CDC42BPA: variants seen among roughly 807,000 people sequenced by gnomAD.
The protein encoded by CDC42BPA is serine/threonine-protein kinase MRCK alpha.
CDC42BPA carries 80 observed loss-of-function variants against 223.5 expected under a neutral mutation model. The ratio of observed to expected loss-of-function variants is 0.36; its 90% CI spans 0.30 to 0.43. CDC42BPA has a LOEUF of 0.43. Among genes scored for constraint, CDC42BPA ranks in the 20% least tolerant of loss-of-function variants. CDC42BPA has a pLI of 1.00. For missense variants in CDC42BPA, 1,743 were observed against 2,099.9 expected (o/e 0.83, Z 3.32); for synonymous variants, 694 against 718.6 (o/e 0.97, Z 0.55).
intron 14 of CDC42BPA, among the ~76,000 whole-genome samples, chr1:227,109,468 C>T (rs1481228074): frequency 6.6e-6 from 1 of 152,044 alleles, no homozygotes; most frequent in Non-Finnish European, 1.5e-5. Context: ...CAGGTCCAGG[C>T]GATTCTCGTG....
At chr1:227,242,964 A>C (rs545463682) in intron 2 of CDC42BPA, among the ~76,000 whole-genome samples, 3 of 152,362 alleles carry the variant, frequency 2.0e-5, no homozygotes, top group African/African-American at 7.2e-5. Context: ...AATGTGGTAC[A>C]TATACACCAT....
intron 1 of CDC42BPA, among the ~76,000 whole-genome samples, chr1:227,266,370 A>T (rs1464075): frequency 0.16 from 24,005 of 152,110 alleles, 2,186 homozygotes; most frequent in East Asian, 0.37. Flanking sequence ...GCTGTCTTGC[A>T]ACCATGAAAG....
At chr1:227,293,139 T>C (rs1324906973) in intron 1 of CDC42BPA, among the ~76,000 whole-genome samples, 1 of 152,210 alleles carries the variant, frequency 6.6e-6, no homozygotes, top group East Asian at 1.9e-4. Flanking sequence ...TAAATATTTA[T>C]TGAGTGCCTA....
chr1:227,105,662 C>A (rs559936663), intron 14 of CDC42BPA, among the ~76,000 whole-genome samples: 1 of 152,122 alleles, frequency 6.6e-6, no homozygotes, highest in East Asian at 1.9e-4. Flanking sequence ...CCTGAATTTG[C>A]CTATTCTAAA....
chr1:227,117,654 T>G (rs567697903), intron 12 of CDC42BPA, among the ~76,000 whole-genome samples: 1 of 152,200 alleles, frequency 6.6e-6, no homozygotes, highest in African/African-American at 2.4e-5. Context: ...ATCTTCACAG[T>G]TTTCAAAAAA....
intron 1 of CDC42BPA, among the ~76,000 whole-genome samples, chr1:227,293,119 A>G (rs761848408): frequency 1.3e-5 from 2 of 152,164 alleles, no homozygotes; most frequent in Non-Finnish European, 2.9e-5. Context: ...CAATTCTTTC[A>G]TTAATCAAAT....
rs563681067 is a variant in CDC42BPA at position 227,108,281 on chromosome 1, G to A, written c.2001+4031C>T. ...CTTGAGCACTGCCTTTATGGCATCT[G>A]TAAGTTCTGGTGTATTGTATTTTCA... On this transcript the variant is annotated intron_variant, in intron 14 of 36. Transcript: ENST00000366766. 1.1e-3 allele frequency among the ~76,000 whole-genome samples: 171 copies of A among 152,230 alleles called. 1 individual carries two copies. The South Asian group carries it at 0.013, about 12-fold the overall frequency.
Position 226,994,272 on chromosome 1 carries a change from G to A in CDC42BPA, c.5261C>T (p.Pro1754Leu), listed in dbSNP as rs1286539810. Residue 1754 changes from proline to leucine, a missense_variant, in exon 37 of 37, where the codon CCG (proline) becomes CTG (leucine). By Grantham distance (98) the Pro-to-Leu change is moderately conservative. Transcript: ENST00000366766. The surrounding 1 kb of genome is among the most constrained non-coding windows in gnomAD (Gnocchi z 4.0). Reference protein sequence around the residue: ...LESTDRGSWDP With the variant: ...LESTDRGSWDL Reference sequence around the variant, plus strand: ...AGGTCCCAGTGCTGAGGCAGCTCACGGGTCCCAGCTCCCGCGGTCAGTGCT... The same window carrying A: ...AGGTCCCAGTGCTGAGGCAGCTCACAGGTCCCAGCTCCCGCGGTCAGTGCT... 11 of 1,578,308 alleles carry A rather than the reference G, an allele frequency of 7.0e-6. No individual in the cohort carries two copies. The highest frequency in any genetic ancestry group is 1.8e-5 in the Admixed American group (1 of 55,878).
At chr1:227,163,111 T>C (rs943216797) in intron 5 of CDC42BPA, among the ~76,000 whole-genome samples, 1 of 29,352 alleles carries the variant, frequency 3.4e-5, no homozygotes, top group Admixed American at 3.0e-4. Context: ...CAAACATATA[T>C]GTGTGTATGT....
intron 29 of CDC42BPA, among the ~76,000 whole-genome samples, chr1:227,030,197 A>C (rs991179376): frequency 6.6e-6 from 1 of 152,196 alleles, no homozygotes; most frequent in East Asian, 1.9e-4. Context: ...TGATACAAGA[A>C]AGACAATACA....
intron 1 of CDC42BPA, among the ~76,000 whole-genome samples, chr1:227,269,003 TA>T (rs34151355): frequency 6.6e-6 from 1 of 151,854 alleles, no homozygotes; most frequent in Non-Finnish European, 1.5e-5. Context: ...TATTTTTATT[TA>T]AAAAAAAGTC....
intron 1 of CDC42BPA, among the ~76,000 whole-genome samples, chr1:227,270,096 T>C (rs1027314427): frequency 6.6e-6 from 1 of 152,092 alleles, no homozygotes; most frequent in Non-Finnish European, 1.5e-5. Context: ...CATATATCCA[T>C]ACAATGAAAC....
chr1:226,998,024 A>G (rs950482573), intron 35 of CDC42BPA, among the ~76,000 whole-genome samples: 17 of 152,342 alleles, frequency 1.1e-4, no homozygotes, highest in Non-Finnish European at 1.8e-4. Flanking sequence ...GAGCCAAATC[A>G]TGAGTGAACT....
rs1662003684 is a variant in CDC42BPA at position 226,998,072 on chromosome 1, G to A, written c.4976-3092C>T. The stretch of plus-strand genomic sequence containing the variant: ...GCTACAAACAGAATAAAATACCTAG[G>A]AATCCAACTTACAAGGGATGTGAAG... On this transcript the variant is annotated intron_variant, in intron 35 of 36. Transcript: ENST00000366766. Among the ~76,000 whole-genome samples, 3 of 152,146 alleles carry A rather than the reference G, an allele frequency of 2.0e-5. No individual in the cohort carries two copies. The South Asian group carries it at 6.2e-4, about 31-fold the overall frequency.
At chr1:227,010,232 T>C (rs953399787) in intron 34 of CDC42BPA, among the ~76,000 whole-genome samples, 13 of 152,220 alleles carry the variant, frequency 8.5e-5, no homozygotes, top group Admixed American at 4.6e-4. Context: ...GAATACAGCA[T>C]GCTTTTTAAA....
intron 3 of CDC42BPA, among the ~76,000 whole-genome samples, chr1:227,212,142 G>A (rs1367980992): frequency 6.6e-6 from 1 of 150,712 alleles, no homozygotes; most frequent in Admixed American, 6.6e-5. Context: ...TGGCCAAAAT[G>A]TTATTAGTTC....
At chr1:227,018,571 G>T (rs1229281426) in intron 32 of CDC42BPA, among the ~76,000 whole-genome samples, 1 of 152,142 alleles carries the variant, frequency 6.6e-6, no homozygotes, top group Non-Finnish European at 1.5e-5. Context: ...CACATAGTGG[G>T]TATGAACACA....
At position 226,992,646 on chromosome 1, in the gene CDC42BPA, T is replaced by A. The variant is rs771194408; in HGVS notation, c.*1622A>T. The A allele has an allele frequency of 3.9e-5, 6 of 152,264 alleles. No individual in the cohort carries two copies. Among genetic ancestry groups the A allele is most frequent in the Admixed American group, 6.5e-5 (1 of 15,288 alleles). 9.4% of individuals were successfully genotyped at this position (152,264 alleles called of 1,614,324 possible). A position where few individuals can be genotyped will look rare whatever the true frequency, so the allele number is the denominator to read the frequency against. ...GCAGGAAAACTTTCTTCATTTTCAC[T>A]GAATTTTAAAGAGAGAATCCTGTCT... On this transcript the variant is annotated 3_prime_UTR_variant, in exon 37 of 37. Transcript: ENST00000366766.
At position 227,134,468 on chromosome 1, in the gene CDC42BPA, C is replaced by CT. The variant is rs898098694; in HGVS notation, c.1390+5107dup. 5.9e-5 allele frequency among the ~76,000 whole-genome samples: 9 copies of CT among 152,266 alleles called. No homozygotes were observed. The South Asian group carries it at 1.9e-3, about 32-fold the overall frequency. The stretch of plus-strand genomic sequence containing the variant: ...CCATACTGACCATTTCACATTTTCT[C>CT]TTTTTCTTGTCAAATATCTAATATC... On this transcript the variant is annotated intron_variant, in intron 10 of 36. Coordinates refer to ENST00000366766, the MANE Select transcript of CDC42BPA (RefSeq NM_001394014.1).
Sources: gnomAD v4.1 joint callset for allele counts (sites outside exome capture counted in the v4.1 genomes callset) on GRCh38, gnomAD v4.1.1 for gene constraint, Gnocchi (gnomAD v3.1) non-coding constraint, MANE v1.5 for transcripts, NCBI Gene and HGNC (gene_info 2026-07-23, HGNC 2026-07-21) for gene names.